Variants in DPP10 observed in about 807,000 individuals in gnomAD.
The protein encoded by DPP10 is dipeptidyl peptidase like 10, also known as inactive dipeptidyl peptidase 10.
A neutral mutation model predicts 120.9 loss-of-function variants in DPP10; 33 were observed. That is an observed-to-expected ratio of 0.27 (90% confidence interval 0.21 to 0.37). The LOEUF is 0.37. Among genes scored for constraint, DPP10 ranks in the 10% least tolerant of loss-of-function variants. DPP10 has a pLI of 1.00. For synonymous variants in DPP10, 337 were observed against 326.1 expected (o/e 1.03, Z -0.36); for missense variants, 816 against 942.8 (o/e 0.87, Z 1.76).
intron 1 of DPP10, among the ~76,000 whole-genome samples, chr2:115,274,359 A>G (rs562032637): frequency 6.6e-6 from 1 of 152,258 alleles, no homozygotes; most frequent in East Asian, 1.9e-4. Flanking sequence ...TGACATTAAA[A>G]CTATTACATT....
intron 5 of DPP10, among the ~76,000 whole-genome samples, chr2:115,601,923 C>T (rs1402865609): frequency 6.6e-6 from 1 of 151,854 alleles, no homozygotes; most frequent in Non-Finnish European, 1.5e-5. Context: ...CCTTGTGATC[C>T]GCCTGCCTTG....
At chr2:115,523,061 G>A (rs2077912195) in intron 4 of DPP10, among the ~76,000 whole-genome samples, 1 of 152,064 alleles carries the variant, frequency 6.6e-6, no homozygotes, top group Non-Finnish European at 1.5e-5. Flanking sequence ...TCTTATTCGT[G>A]TATCATCAGT....
chr2:115,127,078 T>C (rs1436164254), intron 1 of DPP10, among the ~76,000 whole-genome samples: 1 of 152,192 alleles, frequency 6.6e-6, no homozygotes, highest in Non-Finnish European at 1.5e-5. Flanking sequence ...AAAATGCCCA[T>C]TACTCTTGGG....
At chr2:115,391,581 C>A (rs1402138761) in intron 3 of DPP10, among the ~76,000 whole-genome samples, 1 of 151,704 alleles carries the variant, frequency 6.6e-6, no homozygotes, top group Non-Finnish European at 1.5e-5. Flanking sequence ...AGTACAGTTT[C>A]CAAATTTATA....
chr2:114,834,245 T>C (rs954294498), intron 1 of DPP10, among the ~76,000 whole-genome samples: 5 of 151,514 alleles, frequency 3.3e-5, no homozygotes, highest in Admixed American at 6.6e-5. Flanking sequence ...TCTACACACC[T>C]ATGTATATAT....
At chr2:114,894,349 A>C (rs1460708546) in intron 1 of DPP10, among the ~76,000 whole-genome samples, 1 of 152,088 alleles carries the variant, frequency 6.6e-6, no homozygotes, top group Non-Finnish European at 1.5e-5. Flanking sequence ...TTCCTAAGTA[A>C]CTCTAATTAA....
Position 115,815,679 on chromosome 2 carries a change from T to C in DPP10, c.1900T>C (p.Leu634=), listed in dbSNP as rs755489628. ...TGTTTTTCGTTTTCATTGCAGATTT[T>C]TGCTGAAACTGCCTTACATTGACTC... ...VKDQITAVKF[L]LKLPYIDSKR... Residue 634 remains leucine, a synonymous_variant, in exon 21 of 26, where the codon TTG becomes CTG. Transcript: ENST00000410059. The C allele has an allele frequency of 3.7e-6, 6 of 1,600,980 alleles. No individual in the cohort carries two copies. The highest frequency in any genetic ancestry group is 5.1e-6 in the Non-Finnish European group (6 of 1,173,126).
At chr2:114,625,059 C>T (rs1694408282) in intron 1 of DPP10, among the ~76,000 whole-genome samples, 1 of 151,894 alleles carries the variant, frequency 6.6e-6, no homozygotes, top group Non-Finnish European at 1.5e-5. Context: ...TTCAAATATC[C>T]AGATTCTGCT....
intron 5 of DPP10, among the ~76,000 whole-genome samples, chr2:115,554,944 A>G (rs1433779203): frequency 1.3e-5 from 2 of 152,066 alleles, no homozygotes; most frequent in African/African-American, 2.4e-5. Flanking sequence ...TTTCCCATAA[A>G]TGTTCCCTTC....
rs956475832 is a variant in DPP10, at chr2:114,525,000, G to A, written c.60+82162G>A. ...TGTGATCTGAGGAACGTAGAATTCA[G>A]CATAGTGTGCTGGGAAGTGGCAATG... On this transcript the variant is annotated intron_variant, in intron 1 of 25. Coordinates refer to ENST00000410059, the MANE Select transcript of DPP10 (RefSeq NM_020868.6). 4.6e-5 allele frequency among the ~76,000 whole-genome samples: 7 copies of A among 152,290 alleles called. No individual in the cohort carries two copies. In the South Asian group the frequency reaches 1.5e-3, roughly 32 times the overall value.
At chr2:114,454,108 C>T (rs571430092) in intron 1 of DPP10, among the ~76,000 whole-genome samples, 1 of 152,126 alleles carries the variant, frequency 6.6e-6, no homozygotes, top group Non-Finnish European at 1.5e-5. Context: ...CACCCCAACT[C>T]GCAGATGAGT....
At chr2:115,356,098 C>A (rs2106328864) in intron 3 of DPP10, among the ~76,000 whole-genome samples, 1 of 150,880 alleles carries the variant, frequency 6.6e-6, no homozygotes, top group East Asian at 2.0e-4. Context: ...TGAAGAAAGT[C>A]AATGGTAGTT....
intron 10 of DPP10, among the ~76,000 whole-genome samples, chr2:115,747,396 G>A (rs140993104): frequency 2.0e-4 from 31 of 152,190 alleles, no homozygotes; most frequent in African/African-American, 6.5e-4. Flanking sequence ...GAATGGTTAC[G>A]TTACAAATGA....
At chr2:114,684,979 G>A (rs1363051721) in intron 1 of DPP10, among the ~76,000 whole-genome samples, 1 of 151,950 alleles carries the variant, frequency 6.6e-6, no homozygotes, top group African/African-American at 2.4e-5. Flanking sequence ...TAATTTGTCT[G>A]TATGGAGGTT....
chr2:115,356,008 C>A (rs1352281472), intron 3 of DPP10, among the ~76,000 whole-genome samples: 3 of 152,032 alleles, frequency 2.0e-5, no homozygotes, highest in South Asian at 2.1e-4. Flanking sequence ...CAGCTTTGTT[C>A]TTTTTGTTTA....
At chr2:114,505,051 C>CAA (rs3061538) in intron 1 of DPP10, among the ~76,000 whole-genome samples, 3,545 of 44,756 alleles carry the variant, frequency 0.079, 468 homozygotes, top group Non-Finnish European at 0.13. Context: ...GACTCTGTCT[C>CAA]AAAAAAAAAA....
rs75403523 is a variant in DPP10 at position 114,472,684 on chromosome 2, T to C, written c.60+29846T>C. Among the ~76,000 whole-genome samples the C allele has an allele frequency of 3.1e-3, 479 of 152,258 alleles. 11 individuals are homozygous for C. In the East Asian group the frequency reaches 0.04, roughly 13 times the overall value. On this transcript the variant is annotated intron_variant, in intron 1 of 25. Coordinates refer to ENST00000410059, the MANE Select transcript of DPP10 (RefSeq NM_020868.6). ...TGTCAGACTTTAATCTCCCCCAACT[T>C]CTAGTAACTTACCAGAAGATGCCAC...
At chr2:114,560,926 C>A (rs947289175) in intron 1 of DPP10, among the ~76,000 whole-genome samples, 1 of 152,190 alleles carries the variant, frequency 6.6e-6, no homozygotes, top group African/African-American at 2.4e-5. Context: ...CAGGGAAAGG[C>A]ACGATTCACC....
rs1459857167 is a variant in DPP10 at position 115,752,408 on chromosome 2, A to G, written c.951-766A>G. Among the ~76,000 whole-genome samples the G allele has an allele frequency of 2.6e-5, 4 of 152,306 alleles. No individual in the cohort carries two copies. The South Asian group carries it at 8.3e-4, about 32-fold the overall frequency. On this transcript the variant is annotated intron_variant, in intron 10 of 25. Transcript: ENST00000410059. ...ACAAAGGAAGATATATAAACTTTCC[A>G]ATCACCAGTTACCATGAGGACATAA...
Sources: allele counts gnomAD v4.1 joint callset (sites outside exome capture counted in the v4.1 genomes callset), GRCh38; gene constraint gnomAD v4.1.1; transcripts MANE v1.5; gene names NCBI Gene and HGNC (gene_info 2026-07-23, HGNC 2026-07-21).